Variants in SARDH observed in about 807,000 individuals in gnomAD.
The protein encoded by SARDH is sarcosine dehydrogenase, mitochondrial.
SARDH carries 95 observed loss-of-function variants against 109.1 expected under a neutral mutation model. That is an observed-to-expected ratio of 0.87 (90% CI 0.74 to 1.03). SARDH has a LOEUF of 1.03. Ranked by LOEUF, SARDH falls within the 50% of genes least tolerant of loss-of-function variation. The pLI, the probability that SARDH is intolerant of heterozygous loss-of-function variation, is 0.00. For synonymous variants in SARDH, 572 were observed against 534.8 expected, an observed-to-expected ratio of 1.07 and a Z score of -0.96; for missense variants, 1,267 against 1,287.8, an observed-to-expected ratio of 0.98 and a Z score of 0.25.
intron 13 of SARDH, among the ~76,000 whole-genome samples, chr9:133,697,597 G>A: frequency 6.6e-6 from 1 of 152,194 alleles, no homozygotes; most frequent in East Asian, 1.9e-4. Flanking sequence ...TTTATCCCAG[G>A]AATATGAGGT....
intron 19 of SARDH, 85 bp downstream of exon 19, chr9:133,670,499 C>T: frequency 7.0e-7 from 1 of 1,424,728 alleles, no homozygotes; most frequent in Non-Finnish European, 9.5e-7. Context: ...GTACCAGGGG[C>T]TTTGAGTGGG....
At chr9:133,660,308 C>T (rs1053323828), downstream of SARDH, among the ~76,000 whole-genome samples, 1 of 151,984 alleles carries the variant, frequency 6.6e-6, no homozygotes, top group Non-Finnish European at 1.5e-5. Context: ...GGCTCAGAGA[C>T]CTAAAGTTAG....
intron 17 of SARDH, among the ~76,000 whole-genome samples, chr9:133,684,983 G>T (rs1294616084): frequency 6.6e-6 from 1 of 152,214 alleles, no homozygotes; most frequent in Non-Finnish European, 1.5e-5. Context: ...GATGGAAGAC[G>T]CTGTGACTTT....
chr9:133,714,739 C>T (rs556499303), intron 8 of SARDH, among the ~76,000 whole-genome samples: 4 of 152,236 alleles, frequency 2.6e-5, no homozygotes, highest in African/African-American at 9.6e-5. Flanking sequence ...AAAATCGCAC[C>T]ACTGCTCTGC....
rs151226471 is a variant in SARDH, at chr9:133,708,184, T to A, written c.1470+103A>T. 1.9e-3 allele frequency: 2,698 copies of A among 1,385,674 alleles called. 49 individuals carry two copies. The African/African-American group carries it at 0.033, about 17-fold the overall frequency. 85.8% of individuals were successfully genotyped at this position (1,385,674 alleles called of 1,614,324 possible). On this transcript the variant is annotated intron_variant, in intron 11 of 20. Transcript: ENST00000439388. ...ATGACAGACACCTTGTCACCGCACCTGACCTGCGGTTGGGGTACACCTTGC... is the reference window on the plus strand; with the variant it reads ...ATGACAGACACCTTGTCACCGCACCAGACCTGCGGTTGGGGTACACCTTGC...
intron 2 of SARDH, 31 bp downstream of exon 2, chr9:133,733,812 T>G: frequency 6.9e-7 from 1 of 1,444,640 alleles, no homozygotes; most frequent in Non-Finnish European, 9.1e-7. Context: ...GTCCTATCCT[T>G]CCCTGCCCCT....
At chr9:133,702,643 C>T (rs537266232) in intron 13 of SARDH, among the ~76,000 whole-genome samples, 7 of 152,364 alleles carry the variant, frequency 4.6e-5, no homozygotes, top group Admixed American at 2.0e-4. Context: ...GGCCCCAGCC[C>T]GTTGCCTCCG....
At chr9:133,705,141 C>A (rs1302182903) in intron 11 of SARDH, 110 bp from the exon 12 acceptor site, 5 of 1,108,658 alleles carry the variant, frequency 4.5e-6, no homozygotes, top group Non-Finnish European at 6.6e-6. Flanking sequence ...AGCAAGGAGG[C>A]CCTGACTCTT....
rs538675372 is a variant in SARDH at position 133,683,051 on chromosome 9, G to A, written c.2163+2142C>T. ...CCCTGCACCCCCCACGCTGTGTTTG[G>A]CCTGGCCTGTTCCTCTGGGGGATGT... On this transcript the variant is annotated intron_variant, in intron 17 of 20. Coordinates refer to ENST00000439388, the MANE Select transcript of SARDH (RefSeq NM_001134707.2). 5.3e-4 allele frequency among the ~76,000 whole-genome samples: 80 copies of A among 152,338 alleles called. No homozygotes were observed. The South Asian group carries it at 0.013, about 24-fold the overall frequency.
At chr9:133,737,474 A>C (rs1377351512) in intron 1 of SARDH, among the ~76,000 whole-genome samples, 1 of 152,154 alleles carries the variant, frequency 6.6e-6, no homozygotes, top group African/African-American at 2.4e-5. Context: ...AGGAGCCCCC[A>C]AAAGTGGTGC....
At chr9:133,661,439 CA>C (rs1406820106), downstream of SARDH, among the ~76,000 whole-genome samples, 1 of 151,992 alleles carries the variant, frequency 6.6e-6, no homozygotes, top group Non-Finnish European at 1.5e-5. Flanking sequence ...TCTCACTGCA[CA>C]CTGTGGTATA....
Position 133,722,642 on chromosome 9 carries a change from G to GCGCTCTCTCTCT in SARDH, c.916-3601_916-3600insAGAGAGAGAGCG, listed in dbSNP as rs1554758527. Among the ~76,000 whole-genome samples the GCGCTCTCTCTCT allele has an allele frequency of 2.1e-5, 3 of 145,844 alleles. No individual in the cohort carries two copies. The South Asian group carries it at 6.7e-4, about 32-fold the overall frequency. ...AGGAAACCACTAAAAAACTACTAGC[G>GCGCTCTCTCTCT]CTCTCTCTCTCTCTCTCTCTCTCTC... On this transcript the variant is annotated intron_variant, in intron 6 of 20. Coordinates refer to ENST00000439388, the MANE Select transcript of SARDH (RefSeq NM_001134707.2).
At chr9:133,671,379 C>T (rs994572933) in intron 18 of SARDH, among the ~76,000 whole-genome samples, 156 bp downstream of exon 18, 10 of 152,010 alleles carry the variant, frequency 6.6e-5, no homozygotes, top group East Asian at 1.9e-4. Flanking sequence ...GGATGTCAGG[C>T]GCTGGGGTGT....
chr9:133,670,256 GA>G (rs1200668009), intron 19 of SARDH, among the ~76,000 whole-genome samples: 1 of 151,832 alleles, frequency 6.6e-6, no homozygotes, highest in Non-Finnish European at 1.5e-5. Context: ...TTGAACCTGG[GA>G]GGCGGAGGTT....
intron 19 of SARDH, among the ~76,000 whole-genome samples, chr9:133,668,275 G>GTCCCTCTCCC (rs201431408): frequency 8.4e-5 from 9 of 107,350 alleles, no homozygotes; most frequent in Middle Eastern, 4.5e-3. Flanking sequence ...TCCACTCACC[G>GTCCCTCTCCC]TCCCTCTCCC....
At chr9:133,684,823 C>T (rs1269067434) in intron 17 of SARDH, among the ~76,000 whole-genome samples, 4 of 152,318 alleles carry the variant, frequency 2.6e-5, no homozygotes, top group Middle Eastern at 6.8e-3. Context: ...CAGCAGAGCT[C>T]GGCCCTCCCG....
intron 16 of SARDH, among the ~76,000 whole-genome samples, chr9:133,689,181 C>G (rs368297879): frequency 2.6e-5 from 4 of 151,754 alleles, no homozygotes; most frequent in African/African-American, 4.8e-5. Flanking sequence ...TCATCTCCCC[C>G]CCACCCCTCC....
At chr9:133,705,069 G>A (rs772606167) in intron 11 of SARDH, 38 bp from the exon 12 acceptor site, 2 of 1,545,764 alleles carry the variant, frequency 1.3e-6, no homozygotes, top group South Asian at 2.4e-5. Flanking sequence ...GTCACGCATG[G>A]CCTGATACCC....
rs774084737 is a variant in SARDH, at chr9:133,733,924, G to T, written c.250C>A (p.His84Asn). 1.3e-6 allele frequency: 2 copies of T among 1,579,704 alleles called. No individual in the cohort carries two copies. Among genetic ancestry groups the T allele is most frequent in the South Asian group, 2.3e-5 (2 of 85,946 alleles). The change falls in exon 2 of 21, where the codon CAC becomes AAC. Residue 84 changes from histidine (H) to asparagine (N), a missense_variant. Transcript: ENST00000439388. ...GGSLGCQTLY[H>N]LAKLGMSGAV... ...CCACTCATGCCCAGCTTGGCCAGGT[G>T]GTACAGGGTCTGGCAGCCCAAGCTG...
Sources: gnomAD v4.1 joint callset for allele counts (sites outside exome capture counted in the v4.1 genomes callset) on GRCh38, gnomAD v4.1.1 for gene constraint, MANE v1.5 for transcripts, NCBI Gene and HGNC (gene_info 2026-07-23, HGNC 2026-07-21) for gene names.